The following UBAP2 variants were observed in gnomAD, a reference collection of about 807,000 sequenced individuals.
The protein encoded by UBAP2 is ubiquitin associated protein 2, also known as ubiquitin-associated protein 2.
Under a neutral mutation model 139.6 loss-of-function variants are expected in UBAP2, and 75 were observed. The observed-to-expected ratio is 0.54, with a 90% confidence interval of 0.45 to 0.65. The LOEUF is 0.65. Among genes scored for constraint, UBAP2 ranks in the 30% least tolerant of loss-of-function variants. UBAP2 has a pLI of 0.00. For missense variants in UBAP2, 1,368 were observed against 1,369.6 expected (o/e 1.00, Z 0.02); for synonymous variants, 526 against 526.2 (o/e 1.00, Z 0.01).
chr9:33,983,918 A>G (rs1422755282), intron 6 of UBAP2, among the ~76,000 whole-genome samples: 1 of 152,038 alleles, frequency 6.6e-6, no homozygotes, highest in Admixed American at 6.6e-5. Flanking sequence ...AATCCCTGGG[A>G]TTTTTTTATT....
rs543694735 is a variant in UBAP2 at position 33,949,553 on chromosome 9, A to G, written c.1057-966T>C. Among the ~76,000 whole-genome samples the G allele has an allele frequency of 2.0e-5, 3 of 152,226 alleles. No individual in the cohort carries two copies. The South Asian group carries it at 6.2e-4, about 32-fold the overall frequency. On this transcript the variant is annotated intron_variant, in intron 12 of 28. Transcript: ENST00000379238. ...CCCCGTCTCTACTAAAAATACAAAA[A>G]TTAGCCAGGGATGGTGGTGAACGCC... is the stretch of plus-strand genomic sequence containing the variant.
chr9:33,993,956 G>A (rs1334776336), intron 4 of UBAP2, among the ~76,000 whole-genome samples: 3 of 145,888 alleles, frequency 2.1e-5, no homozygotes, highest in East Asian at 2.0e-4. Flanking sequence ...GTGCAATGCC[G>A]CGATCTCGGC....
At chr9:33,958,199 C>T (rs1347012231) in intron 10 of UBAP2, among the ~76,000 whole-genome samples, 4 of 152,212 alleles carry the variant, frequency 2.6e-5, no homozygotes, top group South Asian at 2.1e-4. Flanking sequence ...TGGGCTCAAG[C>T]GATCCTCCTG....
At chr9:34,014,859 C>G (rs1399516010) in intron 2 of UBAP2, among the ~76,000 whole-genome samples, 1 of 151,938 alleles carries the variant, frequency 6.6e-6, no homozygotes, top group African/African-American at 2.4e-5. Context: ...CCTAAAACCT[C>G]CAAATTTTTC....
chr9:33,969,877 C>A (rs1373701822), intron 8 of UBAP2, among the ~76,000 whole-genome samples: 1 of 149,850 alleles, frequency 6.7e-6, no homozygotes, highest in Non-Finnish European at 1.5e-5. Context: ...CCCCCCCACC[C>A]CCAAAAAAAA....
At chr9:33,977,543 C>A (rs926153933) in intron 6 of UBAP2, among the ~76,000 whole-genome samples, 5 of 152,080 alleles carry the variant, frequency 3.3e-5, no homozygotes, top group African/African-American at 1.2e-4. Context: ...CTTTTAATCA[C>A]AAAAACCAAG....
At chr9:34,035,811 C>G (rs1428065546) in intron 1 of UBAP2, among the ~76,000 whole-genome samples, 2 of 151,962 alleles carry the variant, frequency 1.3e-5, no homozygotes, top group African/African-American at 4.8e-5. Flanking sequence ...GTCAAACCAG[C>G]CTTGGTATTC....
chr9:34,039,604 G>C (rs1012618952), intron 1 of UBAP2, among the ~76,000 whole-genome samples: 1 of 152,012 alleles, frequency 6.6e-6, no homozygotes, highest in African/African-American at 2.4e-5. Flanking sequence ...GGGTTAAATG[G>C]ATAAAGGGCG....
chr9:33,967,704 C>T lies in UBAP2; in HGVS notation c.680-3913G>A, dbSNP rs1564034949. 1.3e-5 allele frequency among the ~76,000 whole-genome samples: 2 copies of T among 152,068 alleles called. 1 individual carries two copies. Among genetic ancestry groups the T allele is most frequent in the East Asian group, 3.8e-4 (2 of 5,200 alleles). ...TTGCTTCCAGATTTTATATTAATTT[C>T]TGAAAATCAGAAATGTCATCTCCAA... is the stretch of plus-strand genomic sequence containing the variant. On this transcript the variant is annotated intron_variant, in intron 8 of 28. Transcript: ENST00000379238.
chr9:33,978,554 CGAGATCAG>C (rs911105368), intron 6 of UBAP2, among the ~76,000 whole-genome samples: 10 of 152,052 alleles, frequency 6.6e-5, no homozygotes, highest in African/African-American at 2.2e-4. Context: ...AGGCGGATCA[CGAGATCAG>C]GAGATCAGGA....
Position 33,998,776 on chromosome 9 carries a change from C to T in UBAP2, c.177+11G>A. On this transcript the variant is annotated intron_variant, in intron 3 of 28. Coordinates refer to ENST00000379238, the MANE Select transcript of UBAP2 (RefSeq NM_001370062.2). ...TTATAAAAATGATGATATCCTTTGC[C>T]AGAAACATACCTGCTTAACTTTAGC... 1.2e-6 allele frequency: 2 copies of T among 1,606,330 alleles called. No individual in the cohort carries two copies. The highest frequency in any genetic ancestry group is 2.2e-5 in the East Asian group (1 of 44,814).
intron 21 of UBAP2, 148 bp downstream of exon 21, chr9:33,926,841 C>T: frequency 1.0e-6 from 1 of 972,914 alleles, no homozygotes; most frequent in Non-Finnish European, 1.6e-6. Context: ...AGAAGACCAC[C>T]AGGGCTCAGT....
intron 1 of UBAP2, among the ~76,000 whole-genome samples, chr9:34,035,175 T>C (rs977312993): frequency 6.6e-6 from 1 of 152,022 alleles, no homozygotes; most frequent in African/African-American, 2.4e-5. Flanking sequence ...ATCTTTCTTC[T>C]GTTCTCATTC....
chr9:33,951,306 C>A (rs1247216600), intron 12 of UBAP2, among the ~76,000 whole-genome samples: 2 of 149,854 alleles, frequency 1.3e-5, no homozygotes, highest in Admixed American at 1.3e-4. Flanking sequence ...GGATGAGCCA[C>A]CATGCCATGC....
chr9:33,926,810 C>A (rs1213146471), intron 21 of UBAP2, 146 bp from the exon 22 acceptor site: 1 of 1,024,790 alleles, frequency 9.8e-7, no homozygotes. Flanking sequence ...ACAGATCCTG[C>A]CTTCACGGAG....
chr9:34,024,841 G>A (rs1011448627), intron 1 of UBAP2, among the ~76,000 whole-genome samples: 7 of 152,008 alleles, frequency 4.6e-5, no homozygotes, highest in Non-Finnish European at 8.8e-5. Flanking sequence ...AAAATTAGCT[G>A]GGTGTGGTGG....
intron 1 of UBAP2, among the ~76,000 whole-genome samples, chr9:34,037,081 T>C (rs1210431064): frequency 1.4e-5 from 2 of 147,974 alleles, no homozygotes; most frequent in South Asian, 2.2e-4. Context: ...CTCCGACTTC[T>C]GGGATCAAGC....
At chr9:34,021,287 T>C (rs1824918923) in intron 1 of UBAP2, among the ~76,000 whole-genome samples, 2 of 152,210 alleles carry the variant, frequency 1.3e-5, no homozygotes, top group African/African-American at 2.4e-5. Context: ...ACAGACATAT[T>C]ATTGTACTGC....
intron 17 of UBAP2, chr9:33,934,329 T>A (rs748467246): frequency 6.4e-6 from 1 of 155,804 alleles, no homozygotes; most frequent in African/African-American, 2.4e-5. Context: ...TGTCCACACA[T>A]ACAACTCAGA....
Sources: gnomAD v4.1 joint callset for allele counts (sites outside exome capture counted in the v4.1 genomes callset) on GRCh38, gnomAD v4.1.1 for gene constraint, MANE v1.5 for transcripts, NCBI Gene and HGNC (gene_info 2026-07-23, HGNC 2026-07-21) for gene names.